Variants in BDKRB1 observed in about 807,000 individuals in gnomAD.
BDKRB1 encodes the protein bradykinin receptor B1.
For synonymous variants in BDKRB1, 192 were observed against 189.1 expected (o/e 1.02, Z -0.13); for missense variants, 414 against 441.4 (o/e 0.94, Z 0.56).
Position 96,264,648 on chromosome 14 carries a change from G to A in BDKRB1, c.966G>A (p.Lys322=). 2 of 1,614,174 alleles carry A rather than the reference G, an allele frequency of 1.2e-6. No homozygotes were observed. Among genetic ancestry groups the A allele is most frequent in the South Asian group, 2.2e-5 (2 of 91,086 alleles). ...TTGTGGGCCGGCTCTTCAGGACCAA[G>A]GTCTGGGAACTTTATAAACAATGCA... ...YVFVGRLFRT[K]VWELYKQCTP... Residue 322 remains lysine (K), a synonymous_variant, in exon 3 of 3, where the codon AAG becomes AAA. Coordinates refer to ENST00000216629, the MANE Select transcript of BDKRB1 (RefSeq NM_000710.4).
rs756835528 is a variant in BDKRB1 at position 96,264,436 on chromosome 14, ATCC to A, written c.757_759del (p.Leu253del). 1 of 1,614,178 alleles carries A rather than the reference ATCC, an allele frequency of 6.2e-7. No homozygotes were observed. The highest frequency in any genetic ancestry group is 2.2e-5 in the East Asian group (1 of 44,870). On this transcript the variant is annotated inframe_deletion, in exon 3 of 3. Transcript: ENST00000216629. ...CAAGGATAGCAAGACCACAGCGCTGATCCTCACGCTCGTGGTTGCCTTCCTGGT... is the reference window on the plus strand; with the variant it reads ...CAAGGATAGCAAGACCACAGCGCTGATCACGCTCGTGGTTGCCTTCCTGGT...
At chr14:96,257,757 A>G (rs917063501) in intron 1 of BDKRB1, among the ~76,000 whole-genome samples, 1 of 152,200 alleles carries the variant, frequency 6.6e-6, no homozygotes, top group African/African-American at 2.4e-5. Context: ...TAGGAGAGGG[A>G]TGGTCAGGCC....
At position 96,263,883 on chromosome 14, in the gene BDKRB1, G is replaced by A. The variant is rs766803564; in HGVS notation, c.201G>A (p.Arg67=). 6.2e-7 allele frequency: 1 copy of A among 1,614,114 alleles called. No individual in the cohort carries two copies. ...FVLLVFLLPR[R]QLNVAEIYLA... ...TGTTGGTCTTCCTCCTGCCCCGGCG[G>A]CAACTGAACGTGGCAGAAATCTACC... The change falls in exon 3 of 3, where the codon CGG becomes CGA. Residue 67 remains arginine (R), a synonymous_variant. Transcript: ENST00000216629.
intron 1 of BDKRB1, chr14:96,259,829 T>C (rs1333074748): frequency 6.6e-6 from 1 of 152,174 alleles, no homozygotes; most frequent in Non-Finnish European, 1.5e-5. Flanking sequence ...TTCTGTGATG[T>C]TCTTCTTATG....
At position 96,262,708 on chromosome 14, in the gene BDKRB1, G is replaced by A. The variant is rs1486573699; in HGVS notation, c.-73G>A. Reference sequence around the variant, plus strand: ...AGTGGCACAATCATAGCTCGCTGCAGCCTCGACCTTCCAGGCTTAAACGAT... The same window carrying A: ...AGTGGCACAATCATAGCTCGCTGCAACCTCGACCTTCCAGGCTTAAACGAT... On this transcript the variant is annotated 5_prime_UTR_variant, in exon 2 of 3. Coordinates refer to ENST00000216629, the MANE Select transcript of BDKRB1 (RefSeq NM_000710.4). The A allele has an allele frequency of 2.3e-6, 1 of 443,892 alleles. No homozygotes were observed. The highest frequency in any genetic ancestry group is 4.5e-6 in the Non-Finnish European group (1 of 224,380). The allele number at this position is 443,892 out of a possible 1,614,324, so 27.5% of individuals were successfully genotyped here. A position where few individuals can be genotyped will look rare whatever the true frequency, so the allele number is the denominator to read the frequency against.
intron 1 of BDKRB1, among the ~76,000 whole-genome samples, chr14:96,260,272 T>A (rs922991867): frequency 2.0e-5 from 3 of 152,218 alleles, no homozygotes; most frequent in Non-Finnish European, 4.4e-5. Context: ...TCCACCTGCC[T>A]CGGCCTCCCA....
In BDKRB1 at chr14:96,256,243, C is replaced by T. The variant is rs1234757645; in HGVS notation, c.-187C>T. ...CCAGAAGAGAAAACTCCTCCAAAAG[C>T]AGCTCTCACTATCAGAAAACCCAAC... On this transcript the variant is annotated 5_prime_UTR_variant, in exon 1 of 3. Transcript: ENST00000216629. The T allele has an allele frequency of 1.3e-5, 2 of 152,216 alleles. No homozygotes were observed. The highest frequency in any genetic ancestry group is 6.5e-5 in the Admixed American group (1 of 15,286). The allele number at this position is 152,216 out of a possible 1,614,324, so 9.4% of individuals were successfully genotyped here. A position where few individuals can be genotyped will look rare whatever the true frequency, so the allele number is the denominator to read the frequency against.
intron 1 of BDKRB1, among the ~76,000 whole-genome samples, chr14:96,259,081 T>C (rs1345151371): frequency 4.6e-5 from 7 of 152,260 alleles, no homozygotes; most frequent in Non-Finnish European, 1.0e-4. Flanking sequence ...TTCTGATACA[T>C]TTTATAATTT....
In BDKRB1 at chr14:96,264,008, TCTG is replaced by T; in HGVS notation, c.328_330del (p.Cys110del). 14 of 1,614,232 alleles carry T rather than the reference TCTG, an allele frequency of 8.7e-6. No homozygotes were observed. The highest frequency in any genetic ancestry group is 1.2e-5 in the Non-Finnish European group (14 of 1,180,030). On this transcript the variant is annotated inframe_deletion, in exon 3 of 3. Transcript: ENST00000216629. ...TTTAACTGGCCTTTCGGAGCCCTCC[TCTG>T]CCGTGTCATCAACGGGGTCATCAAG...
intron 1 of BDKRB1, among the ~76,000 whole-genome samples, chr14:96,257,224 C>A (rs1012660546): frequency 1.3e-5 from 2 of 152,204 alleles, no homozygotes; most frequent in African/African-American, 4.8e-5. Context: ...GGGGCGGTGT[C>A]CACTGACCTA....
chr14:96,257,244 G>C (rs947000355), intron 1 of BDKRB1, among the ~76,000 whole-genome samples: 3 of 152,202 alleles, frequency 2.0e-5, no homozygotes, highest in African/African-American at 4.8e-5. Context: ...AATCAGGTTC[G>C]AGCTAAAGTC....
rs1282125356 is a variant in BDKRB1 at position 96,256,246 on chromosome 14, C to T, written c.-184C>T. ...GAAGAGAAAACTCCTCCAAAAGCAG[C>T]TCTCACTATCAGAAAACCCAACTAC... On this transcript the variant is annotated 5_prime_UTR_variant, in exon 1 of 3. Coordinates refer to ENST00000216629, the MANE Select transcript of BDKRB1 (RefSeq NM_000710.4). 1 of 152,188 alleles carries T rather than the reference C, an allele frequency of 6.6e-6. No individual in the cohort carries two copies. Among genetic ancestry groups the T allele is most frequent in the African/African-American group, 2.4e-5 (1 of 41,446 alleles). The allele number at this position is 152,188 out of a possible 1,614,324, so 9.4% of individuals were successfully genotyped here.
intron 1 of BDKRB1, among the ~76,000 whole-genome samples, chr14:96,261,942 G>A (rs772021786): frequency 4.6e-5 from 7 of 152,248 alleles, no homozygotes; most frequent in Non-Finnish European, 1.0e-4. Flanking sequence ...GGGAGATGCA[G>A]TCCTCCCTAT....
chr14:96,258,316 T>A (rs920098165), intron 1 of BDKRB1, among the ~76,000 whole-genome samples: 4 of 152,188 alleles, frequency 2.6e-5, no homozygotes, highest in Non-Finnish European at 4.4e-5. Flanking sequence ...TATTTTTAAT[T>A]TTTCCATATA....
chr14:96,263,446 C>G (rs1222907983), intron 2 of BDKRB1, among the ~76,000 whole-genome samples: 1 of 152,182 alleles, frequency 6.6e-6, no homozygotes, highest in Non-Finnish European at 1.5e-5. Flanking sequence ...ACTTTTCCCC[C>G]TCAGGAACAG....
chr14:96,257,133 A>G (rs745545068), intron 1 of BDKRB1, among the ~76,000 whole-genome samples: 11 of 152,214 alleles, frequency 7.2e-5, no homozygotes, highest in Non-Finnish European at 1.6e-4. Context: ...GGTGAGGACA[A>G]TCCCTTTAAA....
chr14:96,260,833 T>C (rs1885732440), intron 1 of BDKRB1, among the ~76,000 whole-genome samples: 1 of 152,246 alleles, frequency 6.6e-6, no homozygotes, highest in Non-Finnish European at 1.5e-5. Flanking sequence ...GCCATTCCTA[T>C]AGTTACAACT....
At chr14:96,262,839 G>T in intron 2 of BDKRB1, 69 bp downstream of exon 2, 1 of 361,830 alleles carries the variant, frequency 2.8e-6, no homozygotes, top group Non-Finnish European at 5.4e-6. Flanking sequence ...TGTTGCCCAG[G>T]CTGGTCTTGA....
intron 1 of BDKRB1, among the ~76,000 whole-genome samples, chr14:96,258,720 C>T (rs1199471705): frequency 6.6e-6 from 1 of 152,048 alleles, no homozygotes; most frequent in Non-Finnish European, 1.5e-5. Flanking sequence ...AAAGTTTCAC[C>T]ATGTTGGCCA....
Sources: allele counts gnomAD v4.1 joint callset (sites outside exome capture counted in the v4.1 genomes callset), GRCh38; gene constraint gnomAD v4.1.1; transcripts MANE v1.5; gene names NCBI Gene and HGNC (gene_info 2026-07-23, HGNC 2026-07-21).